The following FOXJ3 variants were observed in gnomAD, a reference collection of about 807,000 sequenced individuals.
FOXJ3 encodes the protein forkhead box J3.
FOXJ3 carries 22 observed loss-of-function variants against 76.1 expected under a neutral mutation model. The ratio of observed to expected loss-of-function variants is 0.29; its 90% CI spans 0.21 to 0.41. The LOEUF is 0.41. Among genes scored for constraint, FOXJ3 ranks in the 10% least tolerant of loss-of-function variants. The pLI is 1.00. For synonymous variants in FOXJ3, 269 were observed against 261.2 expected (o/e 1.03, Z -0.29); for missense variants, 613 against 762.1 (o/e 0.80, Z 2.30).
In FOXJ3 at chr1:42,280,781, T is replaced by A. The variant is rs954978570; in HGVS notation, c.45-2109A>T. Among the ~76,000 whole-genome samples, 50 of 152,310 alleles carry A rather than the reference T, an allele frequency of 3.3e-4. 1 individual carries two copies. Among genetic ancestry groups the A allele is most frequent in the African/African-American group, 1.2e-3 (49 of 41,582 alleles). Reference sequence around the variant, plus strand: ...TTAAATAGTTCCCACCTCACTGATGTAAAGTATTCAGAACAGTGCCAGGCA... The same window carrying A: ...TTAAATAGTTCCCACCTCACTGATGAAAAGTATTCAGAACAGTGCCAGGCA... On this transcript the variant is annotated intron_variant, in intron 2 of 12. Transcript: ENST00000361346.
Position 42,178,012 on chromosome 1 carries a change from C to A in FOXJ3, c.*1698G>T, listed in dbSNP as rs934976704. ...GGGGTCTAAAGAATCAATTCAAAAT[C>A]TATTCATTAAAAAAAAACCCTCATT... is the stretch of plus-strand genomic sequence containing the variant. On this transcript the variant is annotated 3_prime_UTR_variant, in exon 13 of 13. Transcript: ENST00000361346. The A allele has an allele frequency of 2.0e-5, 3 of 151,344 alleles. No homozygotes were observed. The highest frequency in any genetic ancestry group is 4.9e-5 in the African/African-American group (2 of 40,762). 9.4% of individuals were successfully genotyped at this position (151,344 alleles called of 1,614,324 possible).
intron 3 of FOXJ3, among the ~76,000 whole-genome samples, chr1:42,267,433 A>G (rs1651548156): frequency 6.6e-6 from 1 of 152,156 alleles, no homozygotes; most frequent in Admixed American, 6.6e-5. Flanking sequence ...TTTTAAAAAA[A>G]TCCACATTAC....
At position 42,316,807 on chromosome 1, in the gene FOXJ3, G is replaced by A. The variant is rs1009158647; in HGVS notation, c.-17-5697C>T. ...AACCAAACGATGTATGTTCTCATAAGTGGGAGCTAAGCTATGAGGATGCAA... is the reference window on the plus strand; with the variant it reads ...AACCAAACGATGTATGTTCTCATAAATGGGAGCTAAGCTATGAGGATGCAA... On this transcript the variant is annotated intron_variant, in intron 1 of 12. Coordinates refer to ENST00000361346, the MANE Select transcript of FOXJ3 (RefSeq NM_014947.5). 1.6e-4 allele frequency among the ~76,000 whole-genome samples: 25 copies of A among 152,278 alleles called. No individual in the cohort carries two copies. In the East Asian group the frequency reaches 2.7e-3, roughly 16 times the overall value.
At chr1:42,181,869 A>C (rs1283024863) in intron 12 of FOXJ3, 48 bp downstream of exon 12, 1 of 871,836 alleles carries the variant, frequency 1.1e-6, no homozygotes, top group East Asian at 2.9e-5. Flanking sequence ...GAGTGCTCAC[A>C]CACACACACA....
At chr1:42,315,572 T>A in intron 1 of FOXJ3, 1 of 186,928 alleles carries the variant, frequency 5.3e-6, no homozygotes, top group Non-Finnish European at 1.0e-5. Flanking sequence ...CCAGTGTTAT[T>A]CATTTTTCCT....
chr1:42,333,012 T>C (rs1362247036), intron 1 of FOXJ3, among the ~76,000 whole-genome samples: 1 of 152,144 alleles, frequency 6.6e-6, no homozygotes, highest in Non-Finnish European at 1.5e-5. Flanking sequence ...CCACGTATCT[T>C]ATTCGTCTCT....
intron 1 of FOXJ3, among the ~76,000 whole-genome samples, chr1:42,314,942 TAA>T (rs2124764706): frequency 6.6e-6 from 1 of 152,284 alleles, no homozygotes; most frequent in South Asian, 2.1e-4. Flanking sequence ...AATGAACAGA[TAA>T]ACAAAGTATG....
chr1:42,270,378 G>C (rs1248918888), intron 3 of FOXJ3, among the ~76,000 whole-genome samples: 1 of 152,122 alleles, frequency 6.6e-6, no homozygotes, highest in Non-Finnish European at 1.5e-5. Flanking sequence ...GGTTCCATGA[G>C]GGTAGGAACC....
At chr1:42,186,682 C>G (rs1337387630) in intron 11 of FOXJ3, among the ~76,000 whole-genome samples, 2 of 152,150 alleles carry the variant, frequency 1.3e-5, no homozygotes, top group African/African-American at 4.8e-5. Context: ...CCTGGGTACT[C>G]TGACAGAGGA....
intron 1 of FOXJ3, among the ~76,000 whole-genome samples, chr1:42,327,024 A>T (rs1320348916): frequency 1.3e-5 from 2 of 152,222 alleles, no homozygotes; most frequent in East Asian, 1.9e-4. Context: ...AACACATATC[A>T]CTATTAACAC....
intron 1 of FOXJ3, among the ~76,000 whole-genome samples, chr1:42,320,955 C>A (rs138590312): frequency 1.3e-5 from 2 of 152,120 alleles, no homozygotes; most frequent in Admixed American, 1.3e-4. Flanking sequence ...AGATCCTACC[C>A]ATATTGCTGA....
intron 5 of FOXJ3, among the ~76,000 whole-genome samples, chr1:42,220,133 T>C (rs568823939): frequency 1.6e-4 from 24 of 152,170 alleles, no homozygotes; most frequent in Non-Finnish European, 3.1e-4. Flanking sequence ...CCATATGCAA[T>C]AGTCACAGAG....
Position 42,262,013 on chromosome 1 carries a change from T to C in FOXJ3, c.444+3102A>G, listed in dbSNP as rs187715207. On this transcript the variant is annotated intron_variant, in intron 4 of 12. Coordinates refer to ENST00000361346, the MANE Select transcript of FOXJ3 (RefSeq NM_014947.5). Reference sequence around the variant, plus strand: ...TTGTTCAACATTCATTCTAAGACTTTTTCTGTAATTCCAGGTGATTTGGGG... The same window carrying C: ...TTGTTCAACATTCATTCTAAGACTTCTTCTGTAATTCCAGGTGATTTGGGG... Among the ~76,000 whole-genome samples the C allele has an allele frequency of 2.2e-4, 33 of 152,340 alleles. No individual in the cohort carries two copies. The East Asian group carries it at 6.4e-3, about 29-fold the overall frequency.
At chr1:42,205,737 A>G (rs2124321001) in intron 6 of FOXJ3, 25 bp downstream of exon 6, 1 of 1,269,736 alleles carries the variant, frequency 7.9e-7, no homozygotes, top group Middle Eastern at 1.9e-4. Flanking sequence ...TGACATTTCA[A>G]TAATGTTTAA....
intron 2 of FOXJ3, among the ~76,000 whole-genome samples, chr1:42,301,114 C>T (rs1654115426): frequency 6.6e-6 from 1 of 152,280 alleles, no homozygotes; most frequent in South Asian, 2.1e-4. Context: ...CTTTTCTACA[C>T]TTTTTACTTT....
In FOXJ3 at chr1:42,232,738, G is replaced by A. The variant is rs1246161701; in HGVS notation, c.445-4772C>T. On this transcript the variant is annotated intron_variant, in intron 4 of 12. Coordinates refer to ENST00000361346, the MANE Select transcript of FOXJ3 (RefSeq NM_014947.5). ...GATTGCAAAAATTTTCTCCCATTCTGTAGGCTGCCTGTTCACTCTGATGGT... is the reference window on the plus strand; with the variant it reads ...GATTGCAAAAATTTTCTCCCATTCTATAGGCTGCCTGTTCACTCTGATGGT... 1.1e-4 allele frequency among the ~76,000 whole-genome samples: 17 copies of A among 152,290 alleles called. No individual in the cohort carries two copies. In the East Asian group the frequency reaches 3.3e-3, roughly 29 times the overall value.
chr1:42,326,522 C>G (rs1166922874), intron 1 of FOXJ3, among the ~76,000 whole-genome samples: 1 of 152,128 alleles, frequency 6.6e-6, no homozygotes, highest in East Asian at 1.9e-4. Context: ...TGGCAGTAAC[C>G]TAGGCATCCT....
chr1:42,200,005 CAAAAAAA>C (rs11355641), intron 6 of FOXJ3, among the ~76,000 whole-genome samples: 2 of 76,086 alleles, frequency 2.6e-5, no homozygotes, highest in African/African-American at 5.5e-5. Context: ...GACTCTGTCT[CAAAAAAA>C]AAAAAAAAAA....
intron 2 of FOXJ3, among the ~76,000 whole-genome samples, chr1:42,304,899 C>A (rs1570211160): frequency 4.6e-5 from 7 of 152,058 alleles, no homozygotes; most frequent in African/African-American, 7.2e-5. Flanking sequence ...AACGGGATCA[C>A]ATCAAGTTAA....
Sources: allele counts gnomAD v4.1 joint callset (sites outside exome capture counted in the v4.1 genomes callset), GRCh38; gene constraint gnomAD v4.1.1; transcripts MANE v1.5; gene names NCBI Gene and HGNC (gene_info 2026-07-23, HGNC 2026-07-21).